Variants in MLIP observed in about 807,000 individuals in gnomAD.
MLIP encodes the protein muscular LMNA-interacting protein.
In MLIP, 79 loss-of-function variants were observed where a neutral mutation model predicts 84.8. The ratio of observed to expected loss-of-function variants is 0.93; its 90% CI spans 0.78 to 1.12. The LOEUF (loss-of-function observed/expected upper bound fraction) is 1.12, where lower values mean the gene tolerates loss of function less well. Ranked by LOEUF, MLIP falls within the 50% of genes most tolerant of loss-of-function variation. The pLI, the probability that MLIP is intolerant of heterozygous loss-of-function variation, is 0.00. For synonymous variants in MLIP, 504 were observed against 463.0 expected, an observed-to-expected ratio of 1.09 and a Z score of -1.14; for missense variants, 1,257 against 1,160.6, an observed-to-expected ratio of 1.08 and a Z score of -1.21.
At chr6:54,232,100 T>C (rs1781045390) in intron 12 of MLIP, among the ~76,000 whole-genome samples, 1 of 152,024 alleles carries the variant, frequency 6.6e-6, no homozygotes, top group Non-Finnish European at 1.5e-5. Flanking sequence ...AATAAGTATA[T>C]GAGAGAAAAT....
At chr6:54,131,644 T>C (rs902818657) in intron 3 of MLIP, among the ~76,000 whole-genome samples, 1 of 152,122 alleles carries the variant, frequency 6.6e-6, no homozygotes, top group Admixed American at 6.5e-5. Flanking sequence ...GCAGTGATTA[T>C]ATTGTACAGA....
chr6:54,174,130 T>C (rs749342816), intron 9 of MLIP, among the ~76,000 whole-genome samples: 5 of 152,018 alleles, frequency 3.3e-5, no homozygotes, highest in African/African-American at 1.2e-4. Context: ...TCTTTATTCA[T>C]TCATCTATTG....
intron 1 of MLIP, among the ~76,000 whole-genome samples, chr6:54,025,069 G>A (rs115786329): frequency 0.025 from 3,709 of 149,414 alleles, 64 homozygotes; most frequent in Non-Finnish European, 0.039. Context: ...GGCTAGTCTC[G>A]AACTCCTGGG....
intron 11 of MLIP, among the ~76,000 whole-genome samples, chr6:54,225,158 T>C (rs1380189006): frequency 1.3e-5 from 2 of 152,284 alleles, no homozygotes; most frequent in East Asian, 3.9e-4. Context: ...CTTTAAGGAA[T>C]CTCCACGCTG....
chr6:54,093,673 T>C (rs1397740126), intron 1 of MLIP, among the ~76,000 whole-genome samples: 2 of 152,188 alleles, frequency 1.3e-5, no homozygotes, highest in South Asian at 2.1e-4. Flanking sequence ...GATTGCTCTA[T>C]TGGAAATCAG....
rs531617904 is a variant in MLIP at position 54,083,437 on chromosome 6, A to C, written c.64-38010A>C. On this transcript the variant is annotated intron_variant, in intron 1 of 12. Transcript: ENST00000274897. ...GGAGGAAGGAGGGCATAATTTGTAC[A>C]GTGCTTTGTCATCTTTGCAGCTCAT... 29 of 1,504,332 alleles carry C rather than the reference A, an allele frequency of 1.9e-5. No individual in the cohort carries two copies. In the African/African-American group the frequency reaches 3.6e-4, roughly 19 times the overall value. 93.2% of individuals were successfully genotyped at this position (1,504,332 alleles called of 1,614,324 possible).
chr6:54,123,183 C>T (rs1351914856), intron 2 of MLIP, among the ~76,000 whole-genome samples: 1 of 150,478 alleles, frequency 6.6e-6, no homozygotes, highest in Non-Finnish European at 1.5e-5. Context: ...GATCCGCCCT[C>T]CTCGGCCTCC....
At position 54,158,078 on chromosome 6, in the gene MLIP, T is replaced by C. The variant is rs559524569; in HGVS notation, c.2290-2289T>C. ...GTTATATCCCATGCCAAAATGGCAG[T>C]TCTAGCATCTGGACCTGGTACCTCT... On this transcript the variant is annotated intron_variant, in intron 5 of 13. Coordinates refer to ENST00000502396, the MANE Select transcript of MLIP (RefSeq NM_001281747.2). Among the ~76,000 whole-genome samples, 4 of 152,198 alleles carry C rather than the reference T, an allele frequency of 2.6e-5. No homozygotes were observed. In the East Asian group the frequency reaches 7.8e-4, roughly 30 times the overall value.
chr6:54,213,722 A>ACAAC (rs1554185727), intron 11 of MLIP, among the ~76,000 whole-genome samples: 2 of 122,858 alleles, frequency 1.6e-5, no homozygotes, highest in African/African-American at 7.2e-5. Context: ...AAAAAAAAAA[A>ACAAC]AAAAAAAAAA....
intron 1 of MLIP, chr6:54,029,179 A>G (rs1314761905): frequency 1.3e-5 from 2 of 152,288 alleles, no homozygotes; most frequent in African/African-American, 2.4e-5. Flanking sequence ...GATGGGTGCT[A>G]TGGAACATCT....
intron 8 of MLIP, among the ~76,000 whole-genome samples, chr6:54,165,515 C>T (rs111461824): frequency 6.6e-6 from 1 of 152,066 alleles, no homozygotes; most frequent in African/African-American, 2.4e-5. Context: ...ATCTCCTTAT[C>T]TCTGTTGTTT....
In MLIP at chr6:54,137,306, C is replaced by T. The variant is rs1382920723; in HGVS notation, c.1237C>T (p.Arg413Trp). The stretch of plus-strand genomic sequence containing the variant: ...AGGGGTAAAATCCCCGGTGCCTTCC[C>T]GGCTTGCCCTTCTCACTGCCATTCT... Reference protein sequence around the residue: ...KSGVKSPVPSRLALLTAILKS... With the variant: ...KSGVKSPVPSWLALLTAILKS... The change falls in exon 4 of 14, where the codon CGG (arginine) becomes TGG (tryptophan). Residue 413 changes from arginine to tryptophan, a missense_variant. By Grantham distance (101) the Arg-to-Trp change is moderately radical. Transcript: ENST00000502396. 1.3e-6 allele frequency: 2 copies of T among 1,536,066 alleles called. No homozygotes were observed. Among genetic ancestry groups the T allele is most frequent in the Non-Finnish European group, 1.7e-6 (2 of 1,146,902 alleles).
intron 9 of MLIP, among the ~76,000 whole-genome samples, chr6:54,170,655 T>C (rs552642194): frequency 9.2e-5 from 14 of 151,750 alleles, no homozygotes; most frequent in Admixed American, 2.6e-4. Context: ...CATTTTACCT[T>C]TCTGTGCCTT....
intron 11 of MLIP, among the ~76,000 whole-genome samples, chr6:54,209,443 T>A (rs145662704): frequency 6.6e-6 from 1 of 152,276 alleles, no homozygotes; most frequent in East Asian, 1.9e-4. Flanking sequence ...AAGCTAGTGA[T>A]GCAAATCATT....
chr6:54,231,388 T>A (rs939129630), intron 12 of MLIP, among the ~76,000 whole-genome samples: 1 of 152,312 alleles, frequency 6.6e-6, no homozygotes, highest in South Asian at 2.1e-4. Context: ...TACTTTAAAA[T>A]GTACCTGTCT....
chr6:54,126,692 A>G (rs564784742), intron 3 of MLIP, among the ~76,000 whole-genome samples: 17 of 152,276 alleles, frequency 1.1e-4, no homozygotes, highest in Admixed American at 1.0e-3. Flanking sequence ...CAAAGAAAGC[A>G]GTCTGGAAGT....
intron 10 of MLIP, among the ~76,000 whole-genome samples, chr6:54,191,017 G>T (rs1330983111): frequency 2.6e-5 from 4 of 151,780 alleles, no homozygotes; most frequent in Non-Finnish European, 5.9e-5. Context: ...GGATGGTCTC[G>T]ATCTCCTGAC....
chr6:54,215,062 C>G, intron 11 of MLIP: 1 of 1,034,172 alleles, frequency 9.7e-7, no homozygotes, highest in Non-Finnish European at 1.4e-6. Flanking sequence ...ACCCTGGTCT[C>G]TGCCTTTTTG....
intron 12 of MLIP, among the ~76,000 whole-genome samples, chr6:54,245,141 C>T (rs1012100253): frequency 6.6e-6 from 1 of 152,140 alleles, no homozygotes; most frequent in Admixed American, 6.6e-5. Context: ...CCACACACAT[C>T]AGCCACCTGT....
Sources: gnomAD v4.1 joint callset for allele counts (sites outside exome capture counted in the v4.1 genomes callset) on GRCh38, gnomAD v4.1.1 for gene constraint, MANE v1.5 for transcripts, NCBI Gene and HGNC (gene_info 2026-07-23, HGNC 2026-07-21) for gene names.